Variants in YY1 observed in about 807,000 individuals in gnomAD.
The protein encoded by YY1 is YY1 transcription factor.
In YY1, 2 loss-of-function variants were observed where a neutral mutation model predicts 35.6. That is an observed-to-expected ratio of 0.06 (90% CI 0.02 to 0.18). The LOEUF is 0.18. YY1 is among the 10% of genes least tolerant of loss of function. The pLI, the probability that YY1 is intolerant of heterozygous loss-of-function variation, is 1.00. For synonymous variants in YY1, 268 were observed against 238.9 expected (o/e 1.12, Z -1.12); for missense variants, 322 against 573.4 (o/e 0.56, Z 4.48).
intron 1 of YY1, among the ~76,000 whole-genome samples, chr14:100,252,012 G>C (rs1268642978): frequency 6.6e-6 from 1 of 152,212 alleles, no homozygotes; most frequent in Non-Finnish European, 1.5e-5. Flanking sequence ...GAAAGGAAGA[G>C]ATCTTAATTT....
At chr14:100,267,807 C>G (rs1483851714) in intron 2 of YY1, among the ~76,000 whole-genome samples, 2 of 152,240 alleles carry the variant, frequency 1.3e-5, no homozygotes, top group East Asian at 1.9e-4. Context: ...CAGGCGTGAG[C>G]CACTGCGCCC....
chr14:100,259,912 C>T (rs1253706338), intron 1 of YY1, among the ~76,000 whole-genome samples: 1 of 152,156 alleles, frequency 6.6e-6, no homozygotes, highest in Non-Finnish European at 1.5e-5. Context: ...GGGATTATAC[C>T]ATGGGTGAGA....
chr14:100,274,501 T>C (rs1383539654), intron 2 of YY1, among the ~76,000 whole-genome samples, 197 bp from the exon 3 acceptor site: 2 of 152,270 alleles, frequency 1.3e-5, no homozygotes, highest in Non-Finnish European at 2.9e-5. Context: ...CATCCTTATC[T>C]GTAAGATGGG....
At chr14:100,248,514 C>T (rs964965899) in intron 1 of YY1, among the ~76,000 whole-genome samples, 3 of 151,734 alleles carry the variant, frequency 2.0e-5, no homozygotes, top group Admixed American at 6.6e-5. Context: ...TTTTTTGAGA[C>T]GGGTTTTTGC....
Position 100,276,722 on chromosome 14 carries a change from G to T in YY1, c.1062+74G>T. On this transcript the variant is annotated intron_variant, in intron 4 of 4. Coordinates refer to ENST00000262238, the MANE Select transcript of YY1 (RefSeq NM_003403.5). This position sits in a 1 kb window ranked among gnomAD's most constrained non-coding sequence, Gnocchi z 4.1. Reference sequence around the variant, plus strand: ...CTGCAAGTGTAGGTGGTGTGGTGATGAGGCAGGAGGCGCCAGCCCAGAGAC... The same window carrying T: ...CTGCAAGTGTAGGTGGTGTGGTGATTAGGCAGGAGGCGCCAGCCCAGAGAC... The T allele has an allele frequency of 6.2e-7, 1 of 1,606,626 alleles. No homozygotes were observed. The highest frequency in any genetic ancestry group is 8.5e-7 in the Non-Finnish European group (1 of 1,176,434).
At chr14:100,266,118 T>TA (rs1396785187) in intron 2 of YY1, among the ~76,000 whole-genome samples, 1 of 152,126 alleles carries the variant, frequency 6.6e-6, no homozygotes, top group Non-Finnish European at 1.5e-5. Flanking sequence ...TCGTGAGACT[T>TA]ACTATCATGA....
chr14:100,260,424 A>AATATAT (rs59427565), intron 1 of YY1, among the ~76,000 whole-genome samples: 341 of 141,292 alleles, frequency 2.4e-3, no homozygotes, highest in Non-Finnish European at 3.2e-3. Flanking sequence ...TGAATATATG[A>AATATAT]ATATATATAT....
At chr14:100,240,298 C>T (rs1246209646) in intron 1 of YY1, among the ~76,000 whole-genome samples, 3 of 146,490 alleles carry the variant, frequency 2.0e-5, no homozygotes, top group Non-Finnish European at 3.0e-5. Flanking sequence ...GGCAGCTGCG[C>T]GCCCCCGGCC....
intron 2 of YY1, among the ~76,000 whole-genome samples, chr14:100,263,444 T>C (rs1049875847): frequency 3.3e-5 from 5 of 152,238 alleles, no homozygotes; most frequent in African/African-American, 1.2e-4. Flanking sequence ...TGGTTGGGTG[T>C]GTTTGTTTTG....
At chr14:100,242,393 T>G (rs868830554) in intron 1 of YY1, among the ~76,000 whole-genome samples, 6,475 of 143,858 alleles carry the variant, frequency 0.045, 360 homozygotes, top group African/African-American at 0.11. Flanking sequence ...TTTTTTTTTT[T>G]TTTTTTTTTT....
chr14:100,261,387 G>A (rs375065404), intron 1 of YY1, among the ~76,000 whole-genome samples: 16 of 151,674 alleles, frequency 1.1e-4, no homozygotes, highest in African/African-American at 2.9e-4. Flanking sequence ...ATGGGGTTTC[G>A]CCGTGTTGGC....
At chr14:100,255,698 G>C (rs1890995676) in intron 1 of YY1, among the ~76,000 whole-genome samples, 1 of 152,156 alleles carries the variant, frequency 6.6e-6, no homozygotes, top group Non-Finnish European at 1.5e-5. Flanking sequence ...GTTTTATTAT[G>C]GTTTTAAAAT....
rs1159724157 is a variant in YY1 at position 100,242,357 on chromosome 14, G to C, written c.679+2434G>C. ...AGTGAGCATTTACAAGTGTGCAAGT[G>C]GCTGTTTTGTTTTGTTTTTTGTTTT... On this transcript the variant is annotated intron_variant, in intron 1 of 4. Coordinates refer to ENST00000262238, the MANE Select transcript of YY1 (RefSeq NM_003403.5). Among the ~76,000 whole-genome samples the C allele has an allele frequency of 2.7e-5, 4 of 150,062 alleles. No homozygotes were observed. The East Asian group carries it at 7.8e-4, about 29-fold the overall frequency.
In YY1 at chr14:100,251,703, C is replaced by T. The variant is rs183817418; in HGVS notation, c.680-10601C>T. Among the ~76,000 whole-genome samples, 801 of 151,656 alleles carry T rather than the reference C, an allele frequency of 5.3e-3. 8 individuals are homozygous for T. Among genetic ancestry groups the T allele is most frequent in the African/African-American group, 0.018 (754 of 41,094 alleles). On this transcript the variant is annotated intron_variant, in intron 1 of 4. Transcript: ENST00000262238. Reference sequence around the variant, plus strand: ...ATGATGATTGGCATTTAACATGTTACCTTGTTTTAGCCTTATAAGATCAGT... The same window carrying T: ...ATGATGATTGGCATTTAACATGTTATCTTGTTTTAGCCTTATAAGATCAGT...
chr14:100,248,121 CTTTT>C (rs10694000), intron 1 of YY1, among the ~76,000 whole-genome samples: 3 of 117,660 alleles, frequency 2.5e-5, no homozygotes, highest in Non-Finnish European at 5.0e-5. Context: ...ATTTTTTTTT[CTTTT>C]TTTTTTTTTT....
At position 100,277,160 on chromosome 14, in the gene YY1, TA is replaced by T. The variant is rs1891333471; in HGVS notation, c.1063-257del. ...CTGTTGGAAATGTTTACAGCAGCACTAGGACTCTAGCCTGCATTTAGGAAGA... is the reference window on the plus strand; with the variant it reads ...CTGTTGGAAATGTTTACAGCAGCACTGGACTCTAGCCTGCATTTAGGAAGA... On this transcript the variant is annotated intron_variant, in intron 4 of 4. Transcript: ENST00000262238. This position sits in a 1 kb window ranked among gnomAD's most constrained non-coding sequence, Gnocchi z 5.6. 3.5e-6 allele frequency: 2 copies of T among 566,558 alleles called. No homozygotes were observed. The highest frequency in any genetic ancestry group is 6.3e-6 in the Non-Finnish European group (2 of 316,572). 35.1% of individuals were successfully genotyped at this position (566,558 alleles called of 1,614,324 possible). A position where few individuals can be genotyped will look rare whatever the true frequency, so the allele number is the denominator to read the frequency against.
At chr14:100,244,467 G>A (rs1430285447) in intron 1 of YY1, among the ~76,000 whole-genome samples, 5 of 150,886 alleles carry the variant, frequency 3.3e-5, no homozygotes, top group African/African-American at 1.2e-4. Flanking sequence ...ATTTTTGGTA[G>A]AGACGAAGTT....
At chr14:100,244,320 C>CTTTTT (rs869125410) in intron 1 of YY1, among the ~76,000 whole-genome samples, 2 of 89,700 alleles carry the variant, frequency 2.2e-5, no homozygotes, top group African/African-American at 9.2e-5. Flanking sequence ...TCCTTTTTTA[C>CTTTTT]TTTTTTTTTT....
chr14:100,250,840 T>TAA (rs77056939), intron 1 of YY1, among the ~76,000 whole-genome samples: 32 of 118,822 alleles, frequency 2.7e-4, no homozygotes, highest in East Asian at 7.2e-4. Flanking sequence ...CACAGAAAAT[T>TAA]AAAAAAAAAA....
Sources: allele counts gnomAD v4.1 joint callset (sites outside exome capture counted in the v4.1 genomes callset), GRCh38; gene constraint gnomAD v4.1.1; non-coding constraint Gnocchi (gnomAD v3.1); transcripts MANE v1.5; gene names NCBI Gene and HGNC (gene_info 2026-07-23, HGNC 2026-07-21).